Variants in TBXAS1 observed in about 807,000 individuals in gnomAD.
TBXAS1 encodes thromboxane-A synthase.
TBXAS1 carries 48 observed loss-of-function variants against 60.7 expected under a neutral mutation model. The observed-to-expected ratio is 0.79, with a 90% confidence interval of 0.63 to 1.01. The LOEUF (loss-of-function observed/expected upper bound fraction) is 1.01, where lower values mean the gene tolerates loss of function less well. Ranked by LOEUF, TBXAS1 falls within the 50% of genes least tolerant of loss-of-function variation. TBXAS1 has a pLI of 0.00. For missense variants in TBXAS1, 685 were observed against 686.3 expected (o/e 1.00, Z 0.02); for synonymous variants, 287 against 269.7 (o/e 1.06, Z -0.63).
At position 139,852,122 on chromosome 7, in the gene TBXAS1, A is replaced by G. The variant is rs995110536; in HGVS notation, c.90-20113A>G. Among the ~76,000 whole-genome samples, 3 of 152,246 alleles carry G rather than the reference A, an allele frequency of 2.0e-5. No individual in the cohort carries two copies. The highest frequency in any genetic ancestry group is 4.4e-5 in the Non-Finnish European group (3 of 68,048). ...GCTTGACCCTGAACCCAAAGCACCT[A>G]GCTGATCTGCTCGCAGACTCCTGAC... On this transcript the variant is annotated intron_variant, in intron 1 of 12. Transcript: ENST00000448866. This position sits in a 1 kb window ranked among gnomAD's most constrained non-coding sequence, Gnocchi z 4.4.
chr7:140,002,435 G>A (rs1813737865), intron 9 of TBXAS1, among the ~76,000 whole-genome samples: 1 of 152,244 alleles, frequency 6.6e-6, no homozygotes, highest in South Asian at 2.1e-4. Context: ...CCTTTCCCGG[G>A]ACGGGGAGTC....
intron 8 of TBXAS1, among the ~76,000 whole-genome samples, chr7:139,959,724 A>G (rs2117364561): frequency 6.6e-6 from 1 of 152,072 alleles, no homozygotes. Flanking sequence ...CCTCCCTCCC[A>G]TCATTACTCC....
At chr7:139,931,198 C>G (rs557678994) in intron 4 of TBXAS1, among the ~76,000 whole-genome samples, 2 of 152,278 alleles carry the variant, frequency 1.3e-5, no homozygotes, top group South Asian at 4.1e-4. Context: ...TCTTGTCTAT[C>G]TCTTGTCTCT....
At position 139,778,424 on chromosome 7, in the gene TBXAS1, G is replaced by T. The variant is rs75846610; in HGVS notation, c.-365G>T. The stretch of plus-strand genomic sequence containing the variant: ...GAACCGACCCGAAAGAGAGCCCCAC[G>T]CTGGCAAAGTGGCTCGCCCATCTCA... On this transcript the variant is annotated 5_prime_UTR_variant, in exon 1 of 17. Coordinates refer to the TBXAS1 transcript ENST00000336425. The surrounding 1 kb of genome is among the most constrained non-coding windows in gnomAD (Gnocchi z 4.8). The T allele has an allele frequency of 0.063, 9,687 of 153,340 alleles. 1,038 individuals carry two copies. Among genetic ancestry groups the T allele is most frequent in the African/African-American group, 0.22 (9,208 of 41,504 alleles). The allele number at this position is 153,340 out of a possible 1,614,324, so 9.5% of individuals were successfully genotyped here. A position where few individuals can be genotyped will look rare whatever the true frequency, so the allele number is the denominator to read the frequency against.
At chr7:139,907,963 A>G (rs1034539184) in intron 3 of TBXAS1, among the ~76,000 whole-genome samples, 3 of 151,822 alleles carry the variant, frequency 2.0e-5, no homozygotes, top group Non-Finnish European at 4.4e-5. Flanking sequence ...TTTGTAGTAG[A>G]CCCTTATCCT....
chr7:140,003,674 C>T (rs950576765), intron 9 of TBXAS1, among the ~76,000 whole-genome samples: 13 of 152,190 alleles, frequency 8.5e-5, no homozygotes, highest in South Asian at 6.2e-4. Flanking sequence ...CAGTTTTCTT[C>T]GGGGAACCAA....
intron 1 of TBXAS1, among the ~76,000 whole-genome samples, chr7:139,865,720 G>A (rs1801335214): frequency 6.9e-6 from 1 of 145,140 alleles, no homozygotes. Flanking sequence ...GGAAGAGGAG[G>A]AGGAGGAGGA....
intron 1 of TBXAS1, among the ~76,000 whole-genome samples, chr7:139,839,309 G>A (rs1799271250): frequency 6.6e-6 from 1 of 152,174 alleles, no homozygotes; most frequent in Non-Finnish European, 1.5e-5. Flanking sequence ...TAGTGGTGAA[G>A]GGGAAAGCAG....
chr7:139,821,737 G>A (rs1163448660), intron 4 of TBXAS1, among the ~76,000 whole-genome samples: 1 of 152,150 alleles, frequency 6.6e-6, no homozygotes, highest in Non-Finnish European at 1.5e-5. Context: ...CTTCTTCCAC[G>A]TCTCAGCCAT....
intron 3 of TBXAS1, among the ~76,000 whole-genome samples, chr7:139,786,105 A>G (rs1265947242): frequency 1.4e-5 from 2 of 147,018 alleles, no homozygotes; most frequent in East Asian, 4.0e-4. Context: ...CTTTCCCTCT[A>G]TGGGAGCAAT....
rs1291372366 is a variant in TBXAS1 at position 139,951,866 on chromosome 7, GGAAGGAAGGAAGGAAA to G, written c.451-1486_451-1471del. On this transcript the variant is annotated intron_variant, in intron 5 of 12. Transcript: ENST00000448866. ...AAGAAGGAAGGAAGGAAGGAAAGAA[GGAAGGAAGGAAGGAAA>G]GAAGGAAGGAAGGAAGGAAAGAAAG... Among the ~76,000 whole-genome samples, 281 of 83,960 alleles carry G rather than the reference GGAAGGAAGGAAGGAAA, an allele frequency of 3.3e-3. 11 individuals are homozygous for G. Among genetic ancestry groups the G allele is most frequent in the African/African-American group, 0.014 (270 of 18,688 alleles). 55.1% of individuals were successfully genotyped at this position (83,960 alleles called of 152,430 possible).
chr7:139,845,341 G>A (rs1569499183), intron 1 of TBXAS1, among the ~76,000 whole-genome samples: 3 of 151,914 alleles, frequency 2.0e-5, no homozygotes, highest in South Asian at 2.1e-4. Context: ...AACTCCCCTC[G>A]CTTCTCACCT....
intron 8 of TBXAS1, among the ~76,000 whole-genome samples, chr7:139,960,972 G>A (rs1810286856): frequency 6.6e-6 from 1 of 152,192 alleles, no homozygotes; most frequent in Non-Finnish European, 1.5e-5. Context: ...GCATTTCAAA[G>A]AAGGGATGTT....
intron 3 of TBXAS1, among the ~76,000 whole-genome samples, chr7:139,892,662 T>A (rs1429789748): frequency 6.6e-6 from 1 of 152,036 alleles, no homozygotes; most frequent in Non-Finnish European, 1.5e-5. Context: ...CCTACCTATC[T>A]CACAGGTCTG....
rs540270022 is a variant in TBXAS1 at position 139,940,543 on chromosome 7, G to A, written c.450+4236G>A. Among the ~76,000 whole-genome samples the A allele has an allele frequency of 6.7e-4, 102 of 152,260 alleles. 1 individual carries two copies. The highest frequency in any genetic ancestry group is 1.6e-4 in the Non-Finnish European group (11 of 68,020). On this transcript the variant is annotated intron_variant, in intron 5 of 12. Transcript: ENST00000448866. ...AGCCAGCGTGGAAAGCCCCGGCACA[G>A]TGAGTGTTCCTGTTGGTCCCCTCTC...
intron 4 of TBXAS1, among the ~76,000 whole-genome samples, chr7:139,924,086 T>C (rs1806698362): frequency 6.6e-6 from 1 of 152,232 alleles, no homozygotes. Context: ...CTCTTGTGAA[T>C]AGTGCTGCAA....
intron 4 of TBXAS1, chr7:139,912,997 C>T (rs1182807933): frequency 1.5e-6 from 1 of 656,502 alleles, no homozygotes; most frequent in East Asian, 2.7e-5. Flanking sequence ...GCCTCAGTGA[C>T]ATTTCAGGAT....
At chr7:139,955,705 T>A in intron 7 of TBXAS1, 98 bp downstream of exon 7, 2 of 1,550,260 alleles carry the variant, frequency 1.3e-6, no homozygotes, top group South Asian at 1.1e-5. Context: ...TCCCTGCCAC[T>A]GGGAAAGGGC....
chr7:139,911,396 T>C (rs1221925768), intron 4 of TBXAS1, 75 bp downstream of exon 4: 3 of 1,304,588 alleles, frequency 2.3e-6, no homozygotes, highest in Non-Finnish European at 3.3e-6. Context: ...TCAGATCCAA[T>C]GGGGATGCAA....
Sources: gnomAD v4.1 joint callset for allele counts (sites outside exome capture counted in the v4.1 genomes callset) on GRCh38, gnomAD v4.1.1 for gene constraint, Gnocchi (gnomAD v3.1) non-coding constraint, MANE v1.5 for transcripts, NCBI Gene and HGNC (gene_info 2026-07-23, HGNC 2026-07-21) for gene names.